PDE4D: variants seen among roughly 807,000 people sequenced by gnomAD.
The protein encoded by PDE4D is phosphodiesterase 4D, also known as 3',5'-cyclic-AMP phosphodiesterase 4D.
A neutral mutation model predicts 87.4 loss-of-function variants in PDE4D; 24 were observed. The ratio of observed to expected loss-of-function variants is 0.27; its 90% CI spans 0.20 to 0.39. PDE4D has a LOEUF of 0.39. PDE4D is among the 10% of genes least tolerant of loss of function. PDE4D has a pLI of 1.00. For missense variants in PDE4D, 714 were observed against 1,041.0 expected (o/e 0.69, Z 4.32); for synonymous variants, 384 against 383.2 (o/e 1.00, Z -0.02).
intron 1 of PDE4D, chr5:60,460,384 A>G: frequency 9.7e-7 from 1 of 1,036,124 alleles, no homozygotes; most frequent in South Asian, 1.3e-5. Flanking sequence ...AACTCTGCTC[A>G]AATAATGCAG....
At chr5:59,617,443 T>C (rs976067736) in intron 1 of PDE4D, among the ~76,000 whole-genome samples, 3 of 152,204 alleles carry the variant, frequency 2.0e-5, no homozygotes, top group Non-Finnish European at 4.4e-5. Context: ...CCAGAAATCA[T>C]GTGTTGAAGT....
chr5:60,219,647 T>A (rs1050479840), intron 1 of PDE4D, among the ~76,000 whole-genome samples: 1 of 152,174 alleles, frequency 6.6e-6, no homozygotes, highest in Admixed American at 6.6e-5. Flanking sequence ...CATTGAAATA[T>A]TGGCATGGTT....
At chr5:60,273,840 C>T (rs1251383514) in intron 1 of PDE4D, among the ~76,000 whole-genome samples, 1 of 152,094 alleles carries the variant, frequency 6.6e-6, no homozygotes, top group African/African-American at 2.4e-5. Flanking sequence ...TTTGAGGTGA[C>T]TTTGAGAAAT....
chr5:59,914,261 C>A (rs1339621589), intron 3 of PDE4D, among the ~76,000 whole-genome samples: 1 of 152,026 alleles, frequency 6.6e-6, no homozygotes, highest in Non-Finnish European at 1.5e-5. Context: ...ATAATAAGTT[C>A]TGTGGAGAAA....
At chr5:60,180,804 T>C (rs1263817192) in intron 2 of PDE4D, among the ~76,000 whole-genome samples, 1 of 152,196 alleles carries the variant, frequency 6.6e-6, no homozygotes, top group Non-Finnish European at 1.5e-5. Context: ...TTTTGTTTTG[T>C]ATTTTGTGCT....
At chr5:60,322,765 T>C (rs1009534035) in intron 1 of PDE4D, among the ~76,000 whole-genome samples, 4 of 152,208 alleles carry the variant, frequency 2.6e-5, no homozygotes, top group African/African-American at 9.6e-5. Flanking sequence ...TGTCCTGTTC[T>C]TCTCTTCTTA....
chr5:59,768,745 G>A (rs1763133023), intron 1 of PDE4D: 1 of 974,594 alleles, frequency 1.0e-6, no homozygotes, highest in Admixed American at 3.1e-5. Context: ...AAAGATCACT[G>A]ACAAGCTCGC....
At chr5:59,960,468 G>A (rs1023533967) in intron 3 of PDE4D, among the ~76,000 whole-genome samples, 2 of 152,064 alleles carry the variant, frequency 1.3e-5, no homozygotes, top group African/African-American at 2.4e-5. Context: ...GCCCATCAAC[G>A]GTGGATTGGA....
intron 1 of PDE4D, among the ~76,000 whole-genome samples, chr5:60,375,815 C>A (rs1761385260): frequency 6.6e-6 from 1 of 152,064 alleles, no homozygotes; most frequent in South Asian, 2.1e-4. Context: ...CTAAGGTGGG[C>A]AGATCATGAG....
intron 1 of PDE4D, among the ~76,000 whole-genome samples, chr5:59,836,627 T>TATCTATCTATCTATC (rs1200488241): frequency 1.4e-5 from 2 of 144,556 alleles, no homozygotes; most frequent in Non-Finnish European, 3.1e-5. Flanking sequence ...TGTATCTATC[T>TATCTATCTATCTATC]ATCTATCTAT....
intron 1 of PDE4D, among the ~76,000 whole-genome samples, chr5:60,299,090 A>G (rs1753668227): frequency 6.6e-6 from 1 of 152,220 alleles, no homozygotes; most frequent in Non-Finnish European, 1.5e-5. Context: ...AATAATTAGC[A>G]CACAAGCTCT....
At chr5:59,550,050 A>G (rs2153687322) in intron 1 of PDE4D, among the ~76,000 whole-genome samples, 1 of 151,630 alleles carries the variant, frequency 6.6e-6, no homozygotes, top group South Asian at 2.1e-4. Flanking sequence ...CACCTATAAC[A>G]CTTTGAACCA....
chr5:58,981,443 C>T (rs1745118574), intron 11 of PDE4D, among the ~76,000 whole-genome samples: 2 of 149,958 alleles, frequency 1.3e-5, no homozygotes, highest in East Asian at 3.9e-4. Context: ...TACTTAAATA[C>T]TAATATAAAG....
At chr5:59,435,245 T>C (rs1378447760) in intron 1 of PDE4D, among the ~76,000 whole-genome samples, 1 of 152,182 alleles carries the variant, frequency 6.6e-6, no homozygotes, top group Non-Finnish European at 1.5e-5. Flanking sequence ...TGCAAGGACA[T>C]GAACATGTGA....
intron 1 of PDE4D, among the ~76,000 whole-genome samples, chr5:60,346,859 C>T (rs933893421): frequency 2.0e-5 from 3 of 152,082 alleles, no homozygotes; most frequent in African/African-American, 4.8e-5. Context: ...CCCTTAAGAA[C>T]AAAATTCCAA....
intron 1 of PDE4D, among the ~76,000 whole-genome samples, chr5:59,283,888 C>T (rs940584514): frequency 6.6e-5 from 10 of 152,090 alleles, no homozygotes; most frequent in African/African-American, 2.2e-4. Flanking sequence ...ATTCAAATCC[C>T]ACAGACACTG....
At chr5:60,111,369 G>C (rs1183699037) in intron 2 of PDE4D, among the ~76,000 whole-genome samples, 1 of 151,878 alleles carries the variant, frequency 6.6e-6, no homozygotes, top group Non-Finnish European at 1.5e-5. Context: ...TAATATTAAT[G>C]ATACTATAAG....
At chr5:58,986,624 T>C (rs1746483327) in intron 11 of PDE4D, among the ~76,000 whole-genome samples, 2 of 152,172 alleles carry the variant, frequency 1.3e-5, no homozygotes, top group Non-Finnish European at 2.9e-5. Context: ...CTTATGAGAA[T>C]CTAACTAATG....
chr5:60,398,246 G>A (rs1337690680), intron 1 of PDE4D, among the ~76,000 whole-genome samples: 3 of 152,146 alleles, frequency 2.0e-5, no homozygotes, highest in African/African-American at 7.2e-5. Flanking sequence ...AGCTGTATTA[G>A]CTTCTTCCAT....
Sources: gnomAD v4.1 joint callset for allele counts (sites outside exome capture counted in the v4.1 genomes callset) on GRCh38, gnomAD v4.1.1 for gene constraint, MANE v1.5 for transcripts, NCBI Gene and HGNC (gene_info 2026-07-23, HGNC 2026-07-21) for gene names.